GLRA3: variants seen among roughly 807,000 people sequenced by gnomAD.
The protein encoded by GLRA3 is glycine receptor subunit alpha-3.
In GLRA3, 44 loss-of-function variants were observed where a neutral mutation model predicts 60.4. That is an observed-to-expected ratio of 0.73 (90% CI 0.57 to 0.94). GLRA3 has a LOEUF of 0.94. Ranked by LOEUF, GLRA3 falls within the 40% of genes least tolerant of loss-of-function variation. GLRA3 has a pLI of 0.00. For synonymous variants in GLRA3, 223 were observed against 192.9 expected, an observed-to-expected ratio of 1.16 and a Z score of -1.29; for missense variants, 508 against 564.6, an observed-to-expected ratio of 0.90 and a Z score of 1.02.
At chr4:174,664,592 G>A (rs919143582) in intron 7 of GLRA3, among the ~76,000 whole-genome samples, 6 of 152,026 alleles carry the variant, frequency 3.9e-5, no homozygotes, top group Non-Finnish European at 7.4e-5. Flanking sequence ...ATCAATTTCT[G>A]TTCTTCCTTA....
At chr4:174,650,575 G>A (rs566387584) in intron 9 of GLRA3, among the ~76,000 whole-genome samples, 1 of 152,094 alleles carries the variant, frequency 6.6e-6, no homozygotes, top group Non-Finnish European at 1.5e-5. Flanking sequence ...CCAGACCAAA[G>A]GAATCTGAAA....
At chr4:174,816,202 A>C (rs933429469) in intron 1 of GLRA3, among the ~76,000 whole-genome samples, 9 of 152,170 alleles carry the variant, frequency 5.9e-5, no homozygotes, top group African/African-American at 2.2e-4. Context: ...TGCATGCCCC[A>C]GTGGGTTATA....
chr4:174,677,933 AG>A lies in GLRA3; in HGVS notation c.713-642del, dbSNP rs199504327. On this transcript the variant is annotated intron_variant, in intron 6 of 9. Transcript: ENST00000274093. Reference sequence around the variant, plus strand: ...GGAGAAATATATACTTATTATATAAAGATCTTCTTTACTCATAGACTGTTTC... The same window carrying A: ...GGAGAAATATATACTTATTATATAAAATCTTCTTTACTCATAGACTGTTTC... Among the ~76,000 whole-genome samples the A allele has an allele frequency of 1.9e-3, 291 of 152,318 alleles. 1 individual carries two copies. The highest frequency in any genetic ancestry group is 6.7e-3 in the African/African-American group (278 of 41,582).
intron 3 of GLRA3, among the ~76,000 whole-genome samples, chr4:174,736,342 T>A (rs1579528128): frequency 6.6e-6 from 1 of 152,140 alleles, no homozygotes; most frequent in East Asian, 1.9e-4. Flanking sequence ...GTAACATTTA[T>A]CATCAGAGAC....
chr4:174,724,625 CCTT>C (rs2111121883), intron 4 of GLRA3, among the ~76,000 whole-genome samples: 1 of 152,164 alleles, frequency 6.6e-6, no homozygotes, highest in Admixed American at 6.5e-5. Flanking sequence ...GTCCTTTTTT[CCTT>C]CTTGATATTC....
intron 3 of GLRA3, among the ~76,000 whole-genome samples, chr4:174,755,345 C>A (rs1228532100): frequency 1.3e-5 from 2 of 151,378 alleles, no homozygotes; most frequent in Non-Finnish European, 3.0e-5. Flanking sequence ...CACTGCATTA[C>A]AAAATTTTAA....
At chr4:174,728,306 T>C (rs1736397992) in intron 4 of GLRA3, among the ~76,000 whole-genome samples, 169 bp downstream of exon 4, 1 of 152,156 alleles carries the variant, frequency 6.6e-6, no homozygotes, top group South Asian at 2.1e-4. Context: ...GGAACTTGGG[T>C]CTGTTATTAT....
rs149214727 is a variant in GLRA3 at position 174,686,275 on chromosome 4, C to G, written c.575-3336G>C. ...TTTAAAAAATCAATACTTTTTTACA[C>G]AATTCAAAATGTTTTAAGATCCTTA... On this transcript the variant is annotated intron_variant, in intron 5 of 9. Transcript: ENST00000274093. Among the ~76,000 whole-genome samples, 10 of 152,210 alleles carry G rather than the reference C, an allele frequency of 6.6e-5. No individual in the cohort carries two copies. The East Asian group carries it at 1.9e-3, about 29-fold the overall frequency.
intron 1 of GLRA3, among the ~76,000 whole-genome samples, chr4:174,805,743 A>G (rs1740022226): frequency 6.6e-6 from 1 of 152,138 alleles, no homozygotes; most frequent in Non-Finnish European, 1.5e-5. Context: ...TAATAATAAA[A>G]CAGGTTGATA....
At chr4:174,760,678 G>A (rs924136442) in intron 3 of GLRA3, among the ~76,000 whole-genome samples, 3 of 152,100 alleles carry the variant, frequency 2.0e-5, no homozygotes, top group African/African-American at 7.2e-5. Context: ...CTGCCACCCT[G>A]CCGGCTAATT....
chr4:174,667,648 T>C (rs1733732386), intron 7 of GLRA3, among the ~76,000 whole-genome samples: 1 of 152,136 alleles, frequency 6.6e-6, no homozygotes, highest in African/African-American at 2.4e-5. Flanking sequence ...AATTCTCTAG[T>C]TGCAGAGAGT....
At chr4:174,657,233 C>T (rs1255279690) in intron 8 of GLRA3, among the ~76,000 whole-genome samples, 1 of 152,020 alleles carries the variant, frequency 6.6e-6, no homozygotes, top group Non-Finnish European at 1.5e-5. Context: ...AAGAAGGAAC[C>T]AGAATTGAGC....
At chr4:174,691,099 T>C (rs1579451234) in intron 5 of GLRA3, among the ~76,000 whole-genome samples, 1 of 152,236 alleles carries the variant, frequency 6.6e-6, no homozygotes, top group African/African-American at 2.4e-5. Context: ...GCCATACTGC[T>C]TTCCACAATG....
intron 3 of GLRA3, among the ~76,000 whole-genome samples, chr4:174,762,301 G>A (rs142003584): frequency 6.6e-6 from 1 of 152,164 alleles, no homozygotes; most frequent in Non-Finnish European, 1.5e-5. Flanking sequence ...TTCATAGTGT[G>A]TGTATATATA....
intron 3 of GLRA3, among the ~76,000 whole-genome samples, chr4:174,755,684 A>T (rs1164121719): frequency 6.6e-6 from 1 of 152,114 alleles, no homozygotes; most frequent in African/African-American, 2.4e-5. Flanking sequence ...ATAGAAACAC[A>T]GAAATATAAA....
intron 5 of GLRA3, among the ~76,000 whole-genome samples, chr4:174,687,394 C>T (rs1734587449): frequency 6.6e-6 from 1 of 152,134 alleles, no homozygotes; most frequent in Non-Finnish European, 1.5e-5. Context: ...GCACAAAATA[C>T]TCAGCTGCAG....
chr4:174,645,405 G>A (rs1732774684), intron 9 of GLRA3, among the ~76,000 whole-genome samples: 1 of 137,612 alleles, frequency 7.3e-6, no homozygotes, highest in South Asian at 2.3e-4. Context: ...GAGCGACAGA[G>A]TGAGACTCCG....
chr4:174,779,290 C>T (rs999869206), intron 2 of GLRA3, among the ~76,000 whole-genome samples: 2 of 152,228 alleles, frequency 1.3e-5, no homozygotes, highest in Non-Finnish European at 2.9e-5. Context: ...ACAGAAAGAA[C>T]ATCCACACCA....
At chr4:174,797,923 CAA>C (rs200168895) in intron 1 of GLRA3, among the ~76,000 whole-genome samples, 18 of 126,354 alleles carry the variant, frequency 1.4e-4, no homozygotes, top group African/African-American at 2.6e-4. Context: ...GACCCTATCT[CAA>C]AAAAAAAAAA....
Sources: allele counts gnomAD v4.1 joint callset (sites outside exome capture counted in the v4.1 genomes callset), GRCh38; gene constraint gnomAD v4.1.1; transcripts MANE v1.5; gene names NCBI Gene and HGNC (gene_info 2026-07-23, HGNC 2026-07-21).